The following ACBD6 variants were observed in gnomAD, a reference collection of about 807,000 sequenced individuals.
ACBD6 encodes acyl-CoA-binding domain-containing protein 6.
Under a neutral mutation model 37.2 loss-of-function variants are expected in ACBD6, and 28 were observed. The observed-to-expected ratio is 0.75, with a 90% CI of 0.56 to 1.03. The LOEUF (loss-of-function observed/expected upper bound fraction) is 1.03, where lower values mean the gene tolerates loss of function less well. Among genes scored for constraint, ACBD6 ranks in the 50% least tolerant of loss-of-function variants. The pLI, the probability that ACBD6 is intolerant of heterozygous loss-of-function variation, is 0.00. For synonymous variants in ACBD6, 113 were observed against 126.8 expected, an observed-to-expected ratio of 0.89 and a Z score of 0.73; for missense variants, 340 against 337.4, an observed-to-expected ratio of 1.01 and a Z score of -0.06.
At chr1:180,328,758 G>GTC (rs912245545) in intron 6 of ACBD6, among the ~76,000 whole-genome samples, 2 of 152,058 alleles carry the variant, frequency 1.3e-5, no homozygotes, top group Non-Finnish European at 2.9e-5. Context: ...GGAATGTACT[G>GTC]TCTCTCCTTA....
intron 3 of ACBD6, among the ~76,000 whole-genome samples, chr1:180,455,812 T>C (rs970994499): frequency 1.3e-5 from 2 of 152,238 alleles, no homozygotes; most frequent in African/African-American, 2.4e-5. Flanking sequence ...GAATTACATT[T>C]TTTGAACTGT....
intron 9 of ACBD6, chr1:180,276,923 C>A (rs1216145106): frequency 6.6e-6 from 1 of 152,152 alleles, no homozygotes; most frequent in Non-Finnish European, 1.5e-5. Flanking sequence ...TACTAATTCC[C>A]AGTTCAATAG....
intron 6 of ACBD6, among the ~76,000 whole-genome samples, chr1:180,362,333 C>G (rs774881664): frequency 2.0e-5 from 3 of 152,196 alleles, no homozygotes; most frequent in Non-Finnish European, 4.4e-5. Flanking sequence ...GGGAAATCCT[C>G]AGGCTGCTAG....
At chr1:180,393,725 T>C (rs1357434944) in intron 6 of ACBD6, among the ~76,000 whole-genome samples, 3 of 152,168 alleles carry the variant, frequency 2.0e-5, no homozygotes, top group Non-Finnish European at 4.4e-5. Flanking sequence ...TGTTAGCAAC[T>C]CAAACTGGAA....
At chr1:180,321,402 T>C (rs555066816) in intron 6 of ACBD6, among the ~76,000 whole-genome samples, 31 of 152,330 alleles carry the variant, frequency 2.0e-4, no homozygotes, top group East Asian at 5.8e-4. Flanking sequence ...TTTAACAATA[T>C]TGATTCTTCC....
At chr1:180,491,930 T>C (rs1277665375) in intron 3 of ACBD6, among the ~76,000 whole-genome samples, 1 of 152,072 alleles carries the variant, frequency 6.6e-6, no homozygotes, top group Non-Finnish European at 1.5e-5. Context: ...CTGCCTCAGC[T>C]TCCTGAGTAG....
intron 3 of ACBD6, among the ~76,000 whole-genome samples, chr1:180,483,592 C>A (rs1651142213): frequency 6.6e-6 from 1 of 151,906 alleles, no homozygotes; most frequent in Non-Finnish European, 1.5e-5. Flanking sequence ...ATCAATAATA[C>A]CTTAATACAT....
At chr1:180,320,374 G>A (rs1385782422) in intron 6 of ACBD6, among the ~76,000 whole-genome samples, 4 of 152,154 alleles carry the variant, frequency 2.6e-5, no homozygotes, top group Non-Finnish European at 2.9e-5. Flanking sequence ...TGTGGGTCAC[G>A]CCTGTAATTC....
intron 8 of ACBD6, among the ~76,000 whole-genome samples, chr1:180,282,252 T>A (rs1212338903): frequency 6.6e-6 from 1 of 152,228 alleles, no homozygotes; most frequent in African/African-American, 2.4e-5. Context: ...TTTATCTTTC[T>A]CTTGCTTGCC....
At chr1:180,499,879 A>G (rs1157997054) in intron 1 of ACBD6, among the ~76,000 whole-genome samples, 1 of 152,206 alleles carries the variant, frequency 6.6e-6, no homozygotes, top group African/African-American at 2.4e-5. Flanking sequence ...CTCTCAGGTC[A>G]CATTAACTGA....
chr1:180,312,908 G>A (rs1210976147), intron 7 of ACBD6, among the ~76,000 whole-genome samples: 1 of 152,066 alleles, frequency 6.6e-6, no homozygotes, highest in Non-Finnish European at 1.5e-5. Flanking sequence ...CCAGGTCAGG[G>A]GTAGAACTAG....
intron 6 of ACBD6, among the ~76,000 whole-genome samples, chr1:180,378,025 G>A (rs976960775): frequency 1.3e-5 from 2 of 151,584 alleles, no homozygotes; most frequent in Non-Finnish European, 2.9e-5. Flanking sequence ...TAGTGTTCAA[G>A]TATCTCACTC....
At chr1:180,459,659 T>C (rs1053152882) in intron 3 of ACBD6, among the ~76,000 whole-genome samples, 5 of 152,248 alleles carry the variant, frequency 3.3e-5, no homozygotes, top group Admixed American at 2.0e-4. Context: ...CTATGTGAAA[T>C]GTCAAGTTTC....
At chr1:180,435,310 A>G (rs1207526572) in intron 3 of ACBD6, 5 of 488,664 alleles carry the variant, frequency 1.0e-5, no homozygotes, top group African/African-American at 6.0e-5. Context: ...GTGCAGTGGC[A>G]GGATCTCAGC....
chr1:180,347,654 C>G (rs12027553), intron 6 of ACBD6, among the ~76,000 whole-genome samples: 143,434 of 152,212 alleles, frequency 0.94, 67,627 homozygotes, highest in East Asian at 0.98. Context: ...AGCTTAGATG[C>G]ACGACTGATA....
chr1:180,397,347 C>A (rs577971525), intron 6 of ACBD6, among the ~76,000 whole-genome samples, 169 bp downstream of exon 6: 1 of 152,074 alleles, frequency 6.6e-6, no homozygotes. Context: ...TTTTCTTTTG[C>A]GGTGACAACA....
In ACBD6 at chr1:180,495,717, G is replaced by A. The variant is rs144928281; in HGVS notation, c.223-192C>T. Among the ~76,000 whole-genome samples, 274 of 152,224 alleles carry A rather than the reference G, an allele frequency of 1.8e-3. 1 individual carries two copies. The highest frequency in any genetic ancestry group is 6.3e-3 in the African/African-American group (263 of 41,560). On this transcript the variant is annotated intron_variant, in intron 1 of 7. Coordinates refer to ENST00000367595, the MANE Select transcript of ACBD6 (RefSeq NM_032360.4). ...CAAACAGAATCAAACATTACATACA[G>A]CCTACTTTGGCTTACTGCATAAAAC...
chr1:180,488,772 G>T (rs1174737643), intron 3 of ACBD6, among the ~76,000 whole-genome samples: 1 of 151,788 alleles, frequency 6.6e-6, no homozygotes, highest in Non-Finnish European at 1.5e-5. Flanking sequence ...ATAGAGATGG[G>T]GTCTTGCTTT....
chr1:180,331,301 T>A (rs1231329813), intron 6 of ACBD6, among the ~76,000 whole-genome samples: 2 of 152,190 alleles, frequency 1.3e-5, no homozygotes, highest in Non-Finnish European at 2.9e-5. Flanking sequence ...GTCATAATGT[T>A]ACTTAGTAAT....
Sources: allele counts gnomAD v4.1 joint callset (sites outside exome capture counted in the v4.1 genomes callset), GRCh38; gene constraint gnomAD v4.1.1; transcripts MANE v1.5; gene names NCBI Gene and HGNC (gene_info 2026-07-23, HGNC 2026-07-21).